Variants in NELL1 observed in about 807,000 individuals in gnomAD.
NELL1 encodes protein kinase C-binding protein NELL1.
Under a neutral mutation model 107.4 loss-of-function variants are expected in NELL1, and 76 were observed. The observed-to-expected ratio is 0.71, with a 90% CI of 0.59 to 0.86. The LOEUF is 0.86. Among genes scored for constraint, NELL1 ranks in the 40% least tolerant of loss-of-function variants. NELL1 has a pLI of 0.00. For missense variants in NELL1, 1,024 were observed against 1,005.5 expected (o/e 1.02, Z -0.25); for synonymous variants, 353 against 341.2 (o/e 1.03, Z -0.38).
At chr11:20,758,907 G>C (rs1044726256) in intron 2 of NELL1, among the ~76,000 whole-genome samples, 3 of 152,104 alleles carry the variant, frequency 2.0e-5, no homozygotes, top group Non-Finnish European at 4.4e-5. Flanking sequence ...CTATTTTCTA[G>C]GTAATAAGTA....
chr11:21,373,412 T>C (rs1851400175), intron 15 of NELL1, among the ~76,000 whole-genome samples: 1 of 152,106 alleles, frequency 6.6e-6, no homozygotes. Context: ...ATTGTGAATG[T>C]CTTGTGGCAT....
chr11:20,719,833 A>G (rs2133906964), intron 2 of NELL1, among the ~76,000 whole-genome samples: 1 of 152,318 alleles, frequency 6.6e-6, no homozygotes, highest in South Asian at 2.1e-4. Flanking sequence ...CATGGTATGT[A>G]CCAGGAACCA....
chr11:21,572,221 A>G (rs1357540145), intron 18 of NELL1, among the ~76,000 whole-genome samples: 1 of 151,812 alleles, frequency 6.6e-6, no homozygotes, highest in Non-Finnish European at 1.5e-5. Context: ...TTGATGCATG[A>G]AATTTTCATA....
chr11:21,363,173 A>G (rs1192585034), intron 14 of NELL1, among the ~76,000 whole-genome samples: 1 of 152,148 alleles, frequency 6.6e-6, no homozygotes, highest in Non-Finnish European at 1.5e-5. Flanking sequence ...CTTTGCCCCA[A>G]GACCCTTTCC....
At chr11:20,998,622 T>G (rs575843974) in intron 12 of NELL1, among the ~76,000 whole-genome samples, 2 of 152,316 alleles carry the variant, frequency 1.3e-5, no homozygotes, top group South Asian at 4.1e-4. Context: ...TGAGAACTGT[T>G]AAGCCAAAGC....
At chr11:20,946,068 T>C (rs1850956087) in intron 10 of NELL1, among the ~76,000 whole-genome samples, 1 of 152,234 alleles carries the variant, frequency 6.6e-6, no homozygotes, top group South Asian at 2.1e-4. Flanking sequence ...GTTGGAAATT[T>C]ATATTTGACA....
chr11:20,767,439 C>T lies in NELL1; in HGVS notation c.185-16241C>T, dbSNP rs188926824. Among the ~76,000 whole-genome samples, 660 of 152,266 alleles carry T rather than the reference C, an allele frequency of 4.3e-3. 2 individuals carry two copies. Among genetic ancestry groups the T allele is most frequent in the Non-Finnish European group, 6.7e-3 (457 of 68,032 alleles). On this transcript the variant is annotated intron_variant, in intron 2 of 19. Transcript: ENST00000357134. ...GTGTTTACAATCCTTTAGCTAGACA[C>T]GGAGCACTGATTGGGACGTTTTTAC...
chr11:21,485,316 G>T (rs1480731313), intron 15 of NELL1, among the ~76,000 whole-genome samples: 1 of 152,080 alleles, frequency 6.6e-6, no homozygotes, highest in East Asian at 1.9e-4. Flanking sequence ...CTCTCCCACT[G>T]CTGTGAGCTG....
chr11:20,680,601 A>G (rs1854166856), intron 2 of NELL1, among the ~76,000 whole-genome samples: 1 of 152,174 alleles, frequency 6.6e-6, no homozygotes, highest in African/African-American at 2.4e-5. Flanking sequence ...GGAAATGGAA[A>G]GAAGAAAGGA....
chr11:21,290,391 A>T (rs954058077), intron 14 of NELL1, among the ~76,000 whole-genome samples: 44 of 84,180 alleles, frequency 5.2e-4, no homozygotes, highest in African/African-American at 1.3e-3. Context: ...AATAAATAAA[A>T]TAAATAGATA....
At chr11:20,819,495 G>T (rs1857701502) in intron 3 of NELL1, among the ~76,000 whole-genome samples, 1 of 152,214 alleles carries the variant, frequency 6.6e-6, no homozygotes, top group African/African-American at 2.4e-5. Flanking sequence ...GCAATGTGTG[G>T]GAGCTCTCTA....
chr11:21,086,486 G>T (rs1451010470), intron 12 of NELL1, among the ~76,000 whole-genome samples: 1 of 152,116 alleles, frequency 6.6e-6, no homozygotes, highest in Non-Finnish European at 1.5e-5. Flanking sequence ...GTAGCTAAAA[G>T]ATAAAATTTG....
chr11:20,899,056 T>C (rs899541184), intron 5 of NELL1, among the ~76,000 whole-genome samples: 1 of 152,144 alleles, frequency 6.6e-6, no homozygotes, highest in African/African-American at 2.4e-5. Flanking sequence ...CTGAGTGATA[T>C]TTAACATACT....
At chr11:20,947,196 A>C in intron 10 of NELL1, 140 bp from the exon 11 acceptor site, 1 of 606,536 alleles carries the variant, frequency 1.6e-6, no homozygotes. Flanking sequence ...TTGTGGCATT[A>C]TCGTTTTTAG....
chr11:21,303,078 CTA>C (rs1849529967), intron 14 of NELL1, among the ~76,000 whole-genome samples: 1 of 76,312 alleles, frequency 1.3e-5, no homozygotes, highest in Admixed American at 1.6e-4. Flanking sequence ...TGCTCTATAT[CTA>C]TATCTATATC....
intron 13 of NELL1, among the ~76,000 whole-genome samples, chr11:21,176,824 T>A (rs1590706578): frequency 6.6e-6 from 1 of 151,876 alleles, no homozygotes; most frequent in East Asian, 1.9e-4. Flanking sequence ...TCATATCTAT[T>A]ATTTAAGCCA....
At chr11:21,030,197 A>G (rs1359742034) in intron 12 of NELL1, among the ~76,000 whole-genome samples, 1 of 152,172 alleles carries the variant, frequency 6.6e-6, no homozygotes, top group Admixed American at 6.6e-5. Context: ...GTATGAGAAA[A>G]TTGTTACTGG....
intron 15 of NELL1, among the ~76,000 whole-genome samples, chr11:21,397,651 T>G (rs1447470321): frequency 6.6e-6 from 1 of 151,662 alleles, no homozygotes. Flanking sequence ...CTCTATCACA[T>G]TTTAAATCAT....
At chr11:21,448,579 CAT>C (rs1564899049) in intron 15 of NELL1, among the ~76,000 whole-genome samples, 1 of 152,128 alleles carries the variant, frequency 6.6e-6, no homozygotes, top group Non-Finnish European at 1.5e-5. Context: ...GTCTAACTGA[CAT>C]AGAAAAACTG....
Sources: allele counts gnomAD v4.1 joint callset (sites outside exome capture counted in the v4.1 genomes callset), GRCh38; gene constraint gnomAD v4.1.1; transcripts MANE v1.5; gene names NCBI Gene and HGNC (gene_info 2026-07-23, HGNC 2026-07-21).